PRELID2: variants seen among roughly 807,000 people sequenced by gnomAD.
PRELID2 encodes PRELI domain containing 2, also known as PRELI domain-containing protein 2.
Under a neutral mutation model 28.4 loss-of-function variants are expected in PRELID2, and 25 were observed. That is an observed-to-expected ratio of 0.88 (90% CI 0.64 to 1.23). The LOEUF (loss-of-function observed/expected upper bound fraction) is 1.23, where lower values mean the gene tolerates loss of function less well. Among genes scored for constraint, PRELID2 ranks in the 50% most tolerant of loss-of-function variants. The probability of loss-of-function intolerance (pLI) is 0.00; values close to 1 mark genes in which losing one functional copy is unlikely to be tolerated. For synonymous variants in PRELID2, 76 were observed against 71.6 expected (o/e 1.06, Z -0.31); for missense variants, 201 against 214.4 (o/e 0.94, Z 0.39).
chr5:145,567,273 G>A (rs1752975007), intron 1 of PRELID2, among the ~76,000 whole-genome samples: 1 of 152,200 alleles, frequency 6.6e-6, no homozygotes, highest in Admixed American at 6.5e-5. Context: ...GTCAAGAGAA[G>A]AAAGTGATTG....
the PRELID2 span, among the ~76,000 whole-genome samples, chr5:145,323,832 T>C: frequency 6.6e-6 from 1 of 152,244 alleles, no homozygotes; most frequent in East Asian, 1.9e-4. Context: ...CCATGGTAGA[T>C]ATGTATCATA....
the PRELID2 span, among the ~76,000 whole-genome samples, chr5:145,311,941 G>T: frequency 2.6e-5 from 4 of 152,030 alleles, no homozygotes; most frequent in South Asian, 8.3e-4. Flanking sequence ...TATATTCATG[G>T]TGTACAACAT....
the PRELID2 span, among the ~76,000 whole-genome samples, chr5:145,420,262 T>C: frequency 1.3e-5 from 2 of 152,200 alleles, no homozygotes; most frequent in Non-Finnish European, 2.9e-5. Flanking sequence ...TTTCCAATTC[T>C]GTGAAGAAAG....
the PRELID2 span, among the ~76,000 whole-genome samples, chr5:145,279,275 A>G: frequency 6.6e-6 from 1 of 152,284 alleles, no homozygotes; most frequent in Admixed American, 6.5e-5. Context: ...ACCAGACATC[A>G]TTGCCAGGTT....
chr5:145,459,770 C>T, the PRELID2 span, among the ~76,000 whole-genome samples: 7 of 151,938 alleles, frequency 4.6e-5, no homozygotes, highest in African/African-American at 1.4e-4. Context: ...TCTATAGTTT[C>T]CTAAATAGAA....
chr5:145,676,220 CAA>C (rs34833967), intron 1 of PRELID2, among the ~76,000 whole-genome samples: 36 of 53,614 alleles, frequency 6.7e-4, no homozygotes, highest in African/African-American at 1.6e-3. Context: ...AACTCCATCT[CAA>C]AAAAAAAAAA....
chr5:145,711,377 C>T (rs546715995), intron 1 of PRELID2, among the ~76,000 whole-genome samples: 1 of 152,146 alleles, frequency 6.6e-6, no homozygotes, highest in Non-Finnish European at 1.5e-5. Flanking sequence ...TAGGAGAGAA[C>T]ATACCCATGG....
chr5:145,599,830 G>A (rs1753363656), intron 1 of PRELID2, among the ~76,000 whole-genome samples: 1 of 152,198 alleles, frequency 6.6e-6, no homozygotes, highest in Admixed American at 6.5e-5. Context: ...AGAATCACTT[G>A]ATAGCTTACT....
chr5:145,835,129 A>G, intron 1 of PRELID2, 48 bp downstream of exon 1: 7 of 1,334,786 alleles, frequency 5.2e-6, no homozygotes, highest in Non-Finnish European at 7.3e-6. Context: ...AGAGAGGGGC[A>G]AGCAGCGGAG....
At chr5:145,699,384 C>A (rs1755355574) in intron 1 of PRELID2, among the ~76,000 whole-genome samples, 1 of 152,040 alleles carries the variant, frequency 6.6e-6, no homozygotes, top group Non-Finnish European at 1.5e-5. Context: ...CACTTCTGTA[C>A]ACACACACAT....
At chr5:145,509,048 G>C (rs1167896030) in intron 1 of PRELID2, among the ~76,000 whole-genome samples, 1 of 152,174 alleles carries the variant, frequency 6.6e-6, no homozygotes, top group African/African-American at 2.4e-5. Flanking sequence ...GAATTCAGTG[G>C]TTTTAACTGA....
At chr5:145,254,448 G>A in the PRELID2 span, among the ~76,000 whole-genome samples, 1 of 152,084 alleles carries the variant, frequency 6.6e-6, no homozygotes, top group Non-Finnish European at 1.5e-5. Context: ...TCTGCTGGCA[G>A]CCAGATCTCC....
the PRELID2 span, among the ~76,000 whole-genome samples, chr5:145,237,970 A>G: frequency 1.3e-5 from 2 of 151,992 alleles, no homozygotes; most frequent in Non-Finnish European, 2.9e-5. Flanking sequence ...CTCCAATCCT[A>G]CTAGCTTACT....
At chr5:145,508,926 C>G (rs576138655) in intron 1 of PRELID2, among the ~76,000 whole-genome samples, 8 of 152,206 alleles carry the variant, frequency 5.3e-5, no homozygotes, top group African/African-American at 1.4e-4. Flanking sequence ...GCTTGACTCT[C>G]CATGTTGAAA....
At chr5:145,244,828 CAA>C in the PRELID2 span, among the ~76,000 whole-genome samples, 1 of 151,934 alleles carries the variant, frequency 6.6e-6, no homozygotes, top group Non-Finnish European at 1.5e-5. Context: ...CTTTTACATG[CAA>C]AAAAATTTTG....
At chr5:145,288,409 T>C in the PRELID2 span, among the ~76,000 whole-genome samples, 1 of 152,140 alleles carries the variant, frequency 6.6e-6, no homozygotes, top group Non-Finnish European at 1.5e-5. Context: ...TGTTTTGTCC[T>C]TTTGATGTAC....
intron 1 of PRELID2, among the ~76,000 whole-genome samples, chr5:145,741,318 A>T (rs1420594666): frequency 7.1e-5 from 4 of 56,206 alleles, no homozygotes; most frequent in Middle Eastern, 0.025. Context: ...TTTATTTATA[A>T]ATAAATTATT....
intron 1 of PRELID2, among the ~76,000 whole-genome samples, chr5:145,515,343 A>G (rs1337550204): frequency 6.6e-6 from 1 of 152,216 alleles, no homozygotes; most frequent in Non-Finnish European, 1.5e-5. Context: ...CAGAAATACA[A>G]ACTGCCATCA....
At chr5:145,706,879 A>G (rs1755562178) in intron 1 of PRELID2, among the ~76,000 whole-genome samples, 1 of 152,172 alleles carries the variant, frequency 6.6e-6, no homozygotes, top group South Asian at 2.1e-4. Context: ...GCCGAGATTC[A>G]ATCACATGCC....
Sources: gnomAD v4.1 joint callset for allele counts (sites outside exome capture counted in the v4.1 genomes callset) on GRCh38, gnomAD v4.1.1 for gene constraint, MANE v1.5 for transcripts, NCBI Gene and HGNC (gene_info 2026-07-23, HGNC 2026-07-21) for gene names.